PHEX: variants seen among roughly 807,000 people sequenced by gnomAD.
PHEX encodes the protein phosphate-regulating neutral endopeptidase PHEX.
In PHEX, 16 loss-of-function variants were observed where a neutral mutation model predicts 68.0. The ratio of observed to expected loss-of-function variants is 0.24; its 90% CI spans 0.16 to 0.36. The LOEUF is 0.36. Among genes scored for constraint, PHEX ranks in the 10% least tolerant of loss-of-function variants. The pLI is 1.00. For synonymous variants in PHEX, 208 were observed against 205.1 expected, an observed-to-expected ratio of 1.01 and a Z score of -0.12; for missense variants, 480 against 575.5, an observed-to-expected ratio of 0.83 and a Z score of 1.70.
intron 14 of PHEX, among the ~76,000 whole-genome samples, chrX:22,186,031 C>T (rs911794309): frequency 5.4e-5 from 6 of 111,465 alleles, no homozygotes; most frequent in African/African-American, 2.0e-4. Flanking sequence ...GCTGGGATTA[C>T]AGGCATGAGC....
At chrX:22,148,605 G>C (rs187558572) in intron 12 of PHEX, among the ~76,000 whole-genome samples, 15 of 110,501 alleles carry the variant, frequency 1.4e-4, no homozygotes, top group African/African-American at 4.9e-4. Flanking sequence ...TTGAAATTTT[G>C]TGCCCTTTAA....
At chrX:22,232,541 T>A (rs1029828981) in intron 20 of PHEX, among the ~76,000 whole-genome samples, 5 of 108,072 alleles carry the variant, frequency 4.6e-5, no homozygotes, top group African/African-American at 1.7e-4. Flanking sequence ...TTTGTCTCTT[T>A]TGATCTTTGT....
At chrX:22,094,590 T>G (rs2094140682) in intron 7 of PHEX, among the ~76,000 whole-genome samples, 1 of 112,397 alleles carries the variant, frequency 8.9e-6, no homozygotes, top group African/African-American at 3.2e-5. Context: ...GATATAAAAG[T>G]TGGTATAGAA....
At chrX:22,121,168 T>C (rs751247584) in intron 11 of PHEX, among the ~76,000 whole-genome samples, 35 of 112,405 alleles carry the variant, frequency 3.1e-4, no homozygotes, top group African/African-American at 1.1e-3. Context: ...ATGAAGACTA[T>C]TCAGGACTAT....
In PHEX at chrX:22,243,082, T is replaced by A. The variant is rs1256698742; in HGVS notation, c.2071-2251T>A. Among the ~76,000 whole-genome samples the A allele has an allele frequency of 2.7e-5, 3 of 111,571 alleles. 1 individual carries two copies. Among genetic ancestry groups the A allele is most frequent in the African/African-American group, 9.8e-5 (3 of 30,623 alleles). ...AGCATGGTACTGGTACCAAAACAGA[T>A]ATGTAGACCAGTGGAATAGAACAGA... On this transcript the variant is annotated intron_variant, in intron 20 of 21. Transcript: ENST00000379374.
intron 3 of PHEX, among the ~76,000 whole-genome samples, chrX:22,069,672 G>T (rs59449651): frequency 0.04 from 4,470 of 111,449 alleles, 219 homozygotes; most frequent in African/African-American, 0.14. Flanking sequence ...AAATAATTCT[G>T]ACAGCTTCTA....
At chrX:22,178,737 A>T (rs1258422270) in intron 14 of PHEX, among the ~76,000 whole-genome samples, 1 of 112,521 alleles carries the variant, frequency 8.9e-6, no homozygotes, top group African/African-American at 3.2e-5. Context: ...ATAAATACTT[A>T]AACTATGATT....
At chrX:22,237,992 A>AGTT (rs1191399351) in intron 20 of PHEX, among the ~76,000 whole-genome samples, 1 of 112,754 alleles carries the variant, frequency 8.9e-6, no homozygotes, top group Non-Finnish European at 1.9e-5. Flanking sequence ...TTCATCAAGA[A>AGTT]GTTGGGTTTT....
intron 12 of PHEX, among the ~76,000 whole-genome samples, chrX:22,140,223 C>T (rs1009879522): frequency 1.1e-4 from 12 of 110,811 alleles, no homozygotes; most frequent in African/African-American, 3.9e-4. Flanking sequence ...TTACTGGAGT[C>T]CCCTTTTCAC....
At chrX:22,109,551 G>T (rs913556967) in intron 9 of PHEX, among the ~76,000 whole-genome samples, 1 of 111,900 alleles carries the variant, frequency 8.9e-6, no homozygotes, top group Non-Finnish European at 1.9e-5. Flanking sequence ...GTGTCAGAAT[G>T]TCATACAAAT....
Position 22,249,455 on chromosome X carries a change from A to AAATAT in PHEX, c.*1503_*1504insATATA. The AAATAT allele has an allele frequency of 6.8e-4, 27 of 39,754 alleles. No individual in the cohort carries two copies. The highest frequency in any genetic ancestry group is 1.3e-3 in the African/African-American group (8 of 6,016). 3.3% of individuals were successfully genotyped at this position (39,754 alleles called of 1,213,427 possible). On this transcript the variant is annotated 3_prime_UTR_variant, in exon 22 of 22. Transcript: ENST00000379374. ...TTGTGATTCTTTTAAAAAAAAAAAA[A>AAATAT]ATATATATATATATATATATATATA...
chrX:22,104,200 A>C (rs1930562310), intron 9 of PHEX, among the ~76,000 whole-genome samples: 1 of 110,743 alleles, frequency 9.0e-6, no homozygotes, highest in Non-Finnish European at 1.9e-5. Flanking sequence ...CTCCCTTCTT[A>C]TATTACTCCC....
intron 11 of PHEX, among the ~76,000 whole-genome samples, chrX:22,117,670 G>A (rs1931291230): frequency 9.0e-6 from 1 of 111,629 alleles, no homozygotes; most frequent in African/African-American, 3.3e-5. Flanking sequence ...GTTTTTCTCA[G>A]TTTTGGTGTG....
intron 12 of PHEX, among the ~76,000 whole-genome samples, chrX:22,166,610 C>T (rs1391788430): frequency 9.0e-6 from 1 of 110,868 alleles, no homozygotes; most frequent in Non-Finnish European, 1.9e-5. Flanking sequence ...TATCCATCAC[C>T]TCATATATTT....
At chrX:22,162,779 G>A (rs1602348947) in intron 12 of PHEX, 1 of 111,796 alleles carries the variant, frequency 8.9e-6, no homozygotes, top group Non-Finnish European at 1.9e-5. Context: ...AGGGAAAAGA[G>A]GGAGGCAGTC....
At chrX:22,069,646 A>G (rs1928802618) in intron 3 of PHEX, among the ~76,000 whole-genome samples, 1 of 112,176 alleles carries the variant, frequency 8.9e-6, no homozygotes, top group Non-Finnish European at 1.9e-5. Flanking sequence ...ATAAGATCAT[A>G]AAAAATGAAC....
At chrX:22,205,654 TATTA>T (rs1233391120) in intron 15 of PHEX, among the ~76,000 whole-genome samples, 16 of 103,538 alleles carry the variant, frequency 1.5e-4, no homozygotes, top group African/African-American at 2.2e-4. Context: ...AATATTAAAT[TATTA>T]ATTTATTAAT....
intron 12 of PHEX, among the ~76,000 whole-genome samples, chrX:22,164,176 G>A (rs756080914): frequency 3.8e-4 from 42 of 111,923 alleles, no homozygotes; most frequent in Admixed American, 9.5e-5. Context: ...GGAGCCATGG[G>A]ATATTGCAAG....
At chrX:22,079,159 T>C in intron 5 of PHEX, among the ~76,000 whole-genome samples, 1 of 112,399 alleles carries the variant, frequency 8.9e-6, no homozygotes, top group Middle Eastern at 4.6e-3. Context: ...AGTTTATACA[T>C]TCTATTGAGT....
Sources: gnomAD v4.1 joint callset for allele counts (sites outside exome capture counted in the v4.1 genomes callset) on GRCh38, gnomAD v4.1.1 for gene constraint, MANE v1.5 for transcripts, NCBI Gene and HGNC (gene_info 2026-07-23, HGNC 2026-07-21) for gene names.